Variants in DYSF observed in about 807,000 individuals in gnomAD.
DYSF encodes dystrophy-associated fer-1-like 1.
DYSF carries 212 observed loss-of-function variants against 274.9 expected under a neutral mutation model. The ratio of observed to expected loss-of-function variants is 0.77; its 90% CI spans 0.69 to 0.86. The LOEUF is 0.86. Ranked by LOEUF, DYSF falls within the 40% of genes least tolerant of loss-of-function variation. DYSF has a pLI of 0.00. For missense variants in DYSF, 2,666 were observed against 2,783.2 expected, an observed-to-expected ratio of 0.96 and a Z score of 0.95; for synonymous variants, 1,091 against 1,078.7, an observed-to-expected ratio of 1.01 and a Z score of -0.22.
chr2:71,552,290 C>T (rs975284693), intron 19 of DYSF, among the ~76,000 whole-genome samples: 14 of 152,156 alleles, frequency 9.2e-5, no homozygotes, highest in East Asian at 5.8e-4. Flanking sequence ...TAGCACTTAC[C>T]GGCTGCATCA....
intron 41 of DYSF, among the ~76,000 whole-genome samples, chr2:71,627,814 G>A (rs1197388492): frequency 6.6e-6 from 1 of 152,010 alleles, no homozygotes; most frequent in East Asian, 1.9e-4. Flanking sequence ...ACAATATGTA[G>A]CAAGCCTCTG....
chr2:71,601,068 C>T lies in DYSF; in HGVS notation c.3897+226C>T, dbSNP rs545111036. Among the ~76,000 whole-genome samples, 10 of 152,336 alleles carry T rather than the reference C, an allele frequency of 6.6e-5. No individual in the cohort carries two copies. The East Asian group carries it at 1.2e-3, about 18-fold the overall frequency. On this transcript the variant is annotated intron_variant, in intron 34 of 55. Transcript: ENST00000410020. ...TAATCTTCCTTGGGTCATCTCCTGACGTGGTTTCTGGGAGGAGGACCTCTG... is the reference window on the plus strand; with the variant it reads ...TAATCTTCCTTGGGTCATCTCCTGATGTGGTTTCTGGGAGGAGGACCTCTG...
chr2:71,558,045 G>T (rs2091458786), intron 22 of DYSF, among the ~76,000 whole-genome samples: 1 of 150,626 alleles, frequency 6.6e-6, no homozygotes, highest in African/African-American at 2.5e-5. Flanking sequence ...AAAAAAAAAA[G>T]TAAATGACCC....
chr2:71,527,222 G>A (rs1308772692), intron 13 of DYSF, among the ~76,000 whole-genome samples: 1 of 152,186 alleles, frequency 6.6e-6, no homozygotes, highest in Non-Finnish European at 1.5e-5. Flanking sequence ...GCCCCGCTGT[G>A]AGCCACTATT....
chr2:71,625,993 T>C (rs1280436785), intron 41 of DYSF, among the ~76,000 whole-genome samples: 1 of 152,092 alleles, frequency 6.6e-6, no homozygotes, highest in Non-Finnish European at 1.5e-5. Context: ...ACAGATTTTA[T>C]ATCCAGAAAC....
chr2:71,675,515 C>T (rs903452953), intron 52 of DYSF, among the ~76,000 whole-genome samples: 5 of 152,160 alleles, frequency 3.3e-5, no homozygotes, highest in Non-Finnish European at 5.9e-5. Context: ...GCGCGGCTTC[C>T]GGCAGTGGGG....
At chr2:71,638,737 T>C (rs549963454) in intron 41 of DYSF, among the ~76,000 whole-genome samples, 1 of 152,356 alleles carries the variant, frequency 6.6e-6, no homozygotes, top group East Asian at 1.9e-4. Flanking sequence ...CATCAGTTGA[T>C]TCATATCTGA....
intron 41 of DYSF, among the ~76,000 whole-genome samples, chr2:71,625,721 A>T (rs1056888808): frequency 1.4e-4 from 21 of 152,244 alleles, no homozygotes; most frequent in Admixed American, 7.2e-4. Context: ...GTTATAGTGA[A>T]TTGCTGGATC....
At chr2:71,470,737 T>TTTCCTTCTTTCCTTCC in intron 1 of DYSF, among the ~76,000 whole-genome samples, 1 of 96,084 alleles carries the variant, frequency 1.0e-5, no homozygotes, top group South Asian at 4.0e-4. Flanking sequence ...TCCTTCCTTC[T>TTTCCTTCTTTCCTTCC]TTCCTTCCTT....
At chr2:71,552,890 TCC>T in intron 19 of DYSF, 119 bp from the exon 20 acceptor site, 2 of 996,892 alleles carry the variant, frequency 2.0e-6, no homozygotes, top group South Asian at 2.7e-5. Flanking sequence ...CACCCGTCAG[TCC>T]AGCCAGGAGC....
rs1472799512 is a variant in DYSF, at chr2:71,664,572, G to A, written c.5174+134G>A. The A allele has an allele frequency of 8.6e-6, 9 of 1,044,020 alleles. No homozygotes were observed. The South Asian group carries it at 9.7e-5, about 11-fold the overall frequency. The allele number at this position is 1,044,020 out of a possible 1,614,324, so 64.7% of individuals were successfully genotyped here. On this transcript the variant is annotated intron_variant, in intron 46 of 55. Transcript: ENST00000410020. ...CACTTCCTAGGCATTCTCTCATTGA[G>A]TCCAATGGGAGTCCTATCCCCACTC...
intron 52 of DYSF, among the ~76,000 whole-genome samples, chr2:71,674,908 C>T (rs572110080): frequency 6.6e-6 from 1 of 152,246 alleles, no homozygotes; most frequent in South Asian, 2.1e-4. Flanking sequence ...CAAGATAGCC[C>T]TGTCATGGCT....
At chr2:71,581,286 A>G (rs944495142) in intron 30 of DYSF, among the ~76,000 whole-genome samples, 1 of 152,178 alleles carries the variant, frequency 6.6e-6, no homozygotes, top group African/African-American at 2.4e-5. Flanking sequence ...TCAGCTCCCC[A>G]GGGGCCAGCC....
At chr2:71,618,597 TA>T (rs2094001992) in intron 40 of DYSF, among the ~76,000 whole-genome samples, 1 of 46,566 alleles carries the variant, frequency 2.1e-5, no homozygotes, top group Non-Finnish European at 5.6e-5. Flanking sequence ...GTGTGTGTGG[TA>T]GAGGTGGTGG....
At chr2:71,474,699 C>G (rs2082272486) in intron 1 of DYSF, among the ~76,000 whole-genome samples, 1 of 152,124 alleles carries the variant, frequency 6.6e-6, no homozygotes, top group South Asian at 2.1e-4. Context: ...CAGAGTTGGC[C>G]CTTCTAACCA....
chr2:71,599,826 C>A (rs539297517), intron 33 of DYSF, among the ~76,000 whole-genome samples: 20 of 152,332 alleles, frequency 1.3e-4, no homozygotes, highest in African/African-American at 4.8e-4. Flanking sequence ...GAAGGTGCTG[C>A]TGTCTATATG....
intron 10 of DYSF, among the ~76,000 whole-genome samples, chr2:71,518,179 C>T (rs992171273): frequency 8.5e-5 from 13 of 152,096 alleles, no homozygotes; most frequent in Non-Finnish European, 1.3e-4. Context: ...TTCTGAGAAC[C>T]GAGAGCCAAT....
chr2:71,577,447 C>A (rs2092743015), intron 30 of DYSF, among the ~76,000 whole-genome samples: 1 of 151,768 alleles, frequency 6.6e-6, no homozygotes, highest in Admixed American at 6.6e-5. Context: ...CTCACACATA[C>A]CCTCACACAC....
chr2:71,667,733 G>A (rs1232840772), intron 48 of DYSF, among the ~76,000 whole-genome samples: 2 of 152,152 alleles, frequency 1.3e-5, no homozygotes, highest in African/African-American at 4.8e-5. Flanking sequence ...CAGGGCCTGC[G>A]AAACGAGGCT....
Sources: gnomAD v4.1 joint callset for allele counts (sites outside exome capture counted in the v4.1 genomes callset) on GRCh38, gnomAD v4.1.1 for gene constraint, MANE v1.5 for transcripts, NCBI Gene and HGNC (gene_info 2026-07-23, HGNC 2026-07-21) for gene names.